GHR: variants seen among roughly 807,000 people sequenced by gnomAD.
GHR encodes the protein growth hormone receptor.
A neutral mutation model predicts 67.1 loss-of-function variants in GHR; 35 were observed. The observed-to-expected ratio is 0.52, with a 90% confidence interval of 0.40 to 0.69. GHR has a LOEUF of 0.69. Among genes scored for constraint, GHR ranks in the 30% least tolerant of loss-of-function variants. The pLI is 0.00. For synonymous variants in GHR, 272 were observed against 269.1 expected (o/e 1.01, Z -0.10); for missense variants, 792 against 764.6 (o/e 1.04, Z -0.42).
At chr5:42,684,875 A>G (rs957040192) in intron 3 of GHR, among the ~76,000 whole-genome samples, 1 of 152,160 alleles carries the variant, frequency 6.6e-6, no homozygotes, top group Non-Finnish European at 1.5e-5. Flanking sequence ...TGTTTGTACT[A>G]TTGAGGGCAA....
chr5:42,465,718 A>G (rs1379912510), intron 1 of GHR: 42 of 917,544 alleles, frequency 4.6e-5, no homozygotes, highest in Non-Finnish European at 7.2e-5. Flanking sequence ...AAGATCTATC[A>G]CTTCCACTAT....
intron 3 of GHR, among the ~76,000 whole-genome samples, chr5:42,685,968 G>A (rs576849058): frequency 6.6e-6 from 1 of 152,224 alleles, no homozygotes; most frequent in Admixed American, 6.5e-5. Context: ...TGTCAATTTT[G>A]GCTTTTGTTG....
intron 1 of GHR, among the ~76,000 whole-genome samples, chr5:42,528,784 A>G (rs933026815): frequency 1.3e-5 from 2 of 152,194 alleles, no homozygotes; most frequent in African/African-American, 4.8e-5. Context: ...ATTTTAAGAA[A>G]TTATCACAGC....
chr5:42,451,910 T>G (rs1357277635), intron 1 of GHR, among the ~76,000 whole-genome samples: 1 of 152,244 alleles, frequency 6.6e-6, no homozygotes, highest in Non-Finnish European at 1.5e-5. Context: ...GCTTTCAATG[T>G]TAGTATTGAC....
intron 1 of GHR, among the ~76,000 whole-genome samples, chr5:42,429,595 A>C (rs1743001860): frequency 6.6e-6 from 1 of 152,250 alleles, no homozygotes; most frequent in Admixed American, 6.5e-5. Context: ...AATCATCCAT[A>C]GTCAAAGCAT....
chr5:42,431,301 C>T (rs967568941), intron 1 of GHR, among the ~76,000 whole-genome samples: 6 of 152,090 alleles, frequency 3.9e-5, no homozygotes, highest in African/African-American at 7.2e-5. Context: ...TTGTTTTTCT[C>T]TTTTGTTGTT....
intron 1 of GHR, among the ~76,000 whole-genome samples, chr5:42,444,422 A>G (rs1401225598): frequency 6.6e-6 from 1 of 152,240 alleles, no homozygotes; most frequent in Non-Finnish European, 1.5e-5. Flanking sequence ...CAGAAGACTC[A>G]TAACTGTGTT....
intron 1 of GHR, chr5:42,467,366 C>A: frequency 1.0e-6 from 1 of 993,522 alleles, no homozygotes; most frequent in South Asian, 1.3e-5. Context: ...AAGGCTTTGC[C>A]AGAATCGTTA....
At chr5:42,534,436 G>C (rs371445774) in intron 1 of GHR, among the ~76,000 whole-genome samples, 2 of 142,152 alleles carry the variant, frequency 1.4e-5, no homozygotes, top group African/African-American at 2.7e-5. Flanking sequence ...ATATGTACAT[G>C]TGTATATGTG....
At chr5:42,615,759 G>C (rs1193148467) in intron 2 of GHR, among the ~76,000 whole-genome samples, 1 of 149,764 alleles carries the variant, frequency 6.7e-6, no homozygotes, top group Non-Finnish European at 1.5e-5. Flanking sequence ...AAAAAACATA[G>C]AATTAATTGA....
intron 3 of GHR, chr5:42,646,264 G>T: frequency 4.6e-6 from 2 of 436,274 alleles, no homozygotes; most frequent in South Asian, 3.4e-5. Context: ...CCTCATAGCT[G>T]ATTACAAATG....
intron 2 of GHR, among the ~76,000 whole-genome samples, chr5:42,612,771 A>G (rs1471305731): frequency 2.0e-5 from 3 of 152,128 alleles, no homozygotes; most frequent in African/African-American, 7.2e-5. Context: ...TCCATTTTAC[A>G]ATTGCACTTG....
At chr5:42,687,270 A>C (rs1048924230) in intron 3 of GHR, among the ~76,000 whole-genome samples, 19 of 152,232 alleles carry the variant, frequency 1.2e-4, no homozygotes, top group African/African-American at 4.6e-4. Flanking sequence ...ATTCAATGCT[A>C]TCCCCATCAA....
rs184719976 is a variant in GHR, at chr5:42,679,235, A to G, written c.137-9655A>G. ...ATTAATATTTTAAATATATTTTAAT[A>G]TACTTAAATTTATACTTAAAATTTA... On this transcript the variant is annotated intron_variant, in intron 3 of 9. Coordinates refer to ENST00000230882, the MANE Select transcript of GHR (RefSeq NM_000163.5). Among the ~76,000 whole-genome samples the G allele has an allele frequency of 5.0e-3, 738 of 147,128 alleles. 6 individuals carry two copies. Among genetic ancestry groups the G allele is most frequent in the South Asian group, 0.028 (133 of 4,780 alleles).
At chr5:42,560,580 CCTCAT>C (rs766590247) in intron 1 of GHR, among the ~76,000 whole-genome samples, 9 of 152,062 alleles carry the variant, frequency 5.9e-5, no homozygotes, top group Non-Finnish European at 1.3e-4. Context: ...ACATGATACT[CCTCAT>C]CTCTATTTAG....
chr5:42,436,614 AG>A (rs1743340568), intron 1 of GHR, among the ~76,000 whole-genome samples: 2 of 152,342 alleles, frequency 1.3e-5, no homozygotes, highest in African/African-American at 4.8e-5. Flanking sequence ...CAGGCACAGA[AG>A]CATCTCCAAA....
At chr5:42,573,724 C>T (rs1750467145) in intron 2 of GHR, among the ~76,000 whole-genome samples, 1 of 152,154 alleles carries the variant, frequency 6.6e-6, no homozygotes, top group African/African-American at 2.4e-5. Flanking sequence ...TTCTTAGCCC[C>T]ATTCCTTAAA....
chr5:42,618,124 G>A (rs572106431), intron 2 of GHR, among the ~76,000 whole-genome samples: 7 of 152,230 alleles, frequency 4.6e-5, no homozygotes, highest in South Asian at 4.1e-4. Flanking sequence ...GCATCAGGTA[G>A]CTACTTTTTA....
At chr5:42,503,909 A>G (rs894147108) in intron 1 of GHR, among the ~76,000 whole-genome samples, 13 of 152,298 alleles carry the variant, frequency 8.5e-5, no homozygotes, top group Admixed American at 2.0e-4. Flanking sequence ...GACTCTTAGC[A>G]GACTTATATG....
Sources: allele counts gnomAD v4.1 joint callset (sites outside exome capture counted in the v4.1 genomes callset), GRCh38; gene constraint gnomAD v4.1.1; transcripts MANE v1.5; gene names NCBI Gene and HGNC (gene_info 2026-07-23, HGNC 2026-07-21).